Variants in HFM1 observed in about 807,000 individuals in gnomAD.
HFM1 encodes the protein probable ATP-dependent DNA helicase HFM1.
Under a neutral mutation model 192.1 loss-of-function variants are expected in HFM1, and 169 were observed. That is an observed-to-expected ratio of 0.88 (90% CI 0.78 to 1.00). The LOEUF (loss-of-function observed/expected upper bound fraction) is 1.00, where lower values mean the gene tolerates loss of function less well. HFM1 is among the 50% of genes least tolerant of loss of function. HFM1 has a pLI of 0.00. For synonymous variants in HFM1, 525 were observed against 537.8 expected (o/e 0.98, Z 0.33); for missense variants, 1,661 against 1,668.0 (o/e 1.00, Z 0.07).
chr1:91,391,799 C>A (rs565406669), intron 4 of HFM1, among the ~76,000 whole-genome samples: 43 of 152,316 alleles, frequency 2.8e-4, no homozygotes, highest in African/African-American at 9.4e-4. Flanking sequence ...AAACTACCAT[C>A]AGAGTGAACA....
At chr1:91,273,901 A>G in intron 33 of HFM1, 86 bp from the exon 34 acceptor site, 1 of 731,180 alleles carries the variant, frequency 1.4e-6, no homozygotes, top group Non-Finnish European at 2.2e-6. Context: ...ATAAACAAAA[A>G]TAATGATTTA....
At position 91,276,717 on chromosome 1, in the gene HFM1, C is replaced by G; in HGVS notation, c.3499G>C (p.Glu1167Gln). The change falls in exon 32 of 39, where the codon GAA (glutamate) becomes CAA (glutamine). Residue 1167 changes from glutamate (E) to glutamine (Q), a missense_variant. Coordinates refer to ENST00000370425, the MANE Select transcript of HFM1 (RefSeq NM_001017975.6). ...CCKIGVAQKS[E>Q]IKESTISSYL... ...GAAGAAATTGTTGACTCTTTAATTT[C>G]TGACTTCTGTGCAACTCCAATTTTA... The G allele has an allele frequency of 6.5e-7, 1 of 1,547,454 alleles. No individual in the cohort carries two copies. The highest frequency in any genetic ancestry group is 1.2e-5 in the South Asian group (1 of 80,392).
rs745451640 is a variant in HFM1 at position 91,353,306 on chromosome 1, A to T, written c.1686-7T>A. 2 of 1,493,970 alleles carry T rather than the reference A, an allele frequency of 1.3e-6. No homozygotes were observed. Among genetic ancestry groups the T allele is most frequent in the Non-Finnish European group, 9.2e-7 (1 of 1,083,298 alleles). 92.5% of individuals were successfully genotyped at this position (1,493,970 alleles called of 1,614,324 possible). On this transcript the variant is annotated splice_polypyrimidine_tract_variant and splice_region_variant and intron_variant, in intron 13 of 38. Coordinates refer to ENST00000370425, the MANE Select transcript of HFM1 (RefSeq NM_001017975.6). ...ATATGCATACTTCTGTAACCTATTT[A>T]AAAATACCATAAAATTATTGAGTTA... is the stretch of plus-strand genomic sequence containing the variant.
At position 91,380,891 on chromosome 1, in the gene HFM1, TA is replaced by T. The variant is rs1557496614; in HGVS notation, c.873+20del. ...ACCTAGTGAAAGGTAGAAAAATAAATAAGTAAAATAAAATACTTACATCATC... is the reference window on the plus strand; with the variant it reads ...ACCTAGTGAAAGGTAGAAAAATAAATAGTAAAATAAAATACTTACATCATC... On this transcript the variant is annotated intron_variant, in intron 7 of 38. Coordinates refer to ENST00000370425, the MANE Select transcript of HFM1 (RefSeq NM_001017975.6). 1.8e-6 allele frequency: 2 copies of T among 1,104,290 alleles called. No homozygotes were observed. Among genetic ancestry groups the T allele is most frequent in the South Asian group, 2.6e-5 (2 of 75,912 alleles). The allele number at this position is 1,104,290 out of a possible 1,614,324, so 68.4% of individuals were successfully genotyped here.
chr1:91,373,440 T>A (rs888227786), intron 13 of HFM1, among the ~76,000 whole-genome samples: 5 of 152,152 alleles, frequency 3.3e-5, no homozygotes, highest in African/African-American at 1.2e-4. Context: ...CATTACATAG[T>A]AATCATGTGC....
chr1:91,355,955 C>G (rs978526454), intron 13 of HFM1, among the ~76,000 whole-genome samples: 2 of 152,086 alleles, frequency 1.3e-5, no homozygotes, highest in African/African-American at 4.8e-5. Context: ...CAGGACAGAT[C>G]ATACATTAAG....
At chr1:91,317,570 A>C (rs1047449555) in intron 25 of HFM1, among the ~76,000 whole-genome samples, 18 of 152,190 alleles carry the variant, frequency 1.2e-4, no homozygotes, top group Admixed American at 1.0e-3. Flanking sequence ...AACAGTATAA[A>C]ATTCCAAAAT....
At chr1:91,395,754 G>A (rs1289231744) in intron 3 of HFM1, among the ~76,000 whole-genome samples, 2 of 152,004 alleles carry the variant, frequency 1.3e-5, no homozygotes, top group Non-Finnish European at 2.9e-5. Context: ...TATACAATGT[G>A]TAATGATCAA....
In HFM1 at chr1:91,261,196, A is replaced by T. The variant is rs1665124476; in HGVS notation, c.*94T>A. ...TCAAATACAGGAGAAAAAAATCCGA[A>T]CAATTATGAACTACTTTTTAAAAAT... is the stretch of plus-strand genomic sequence containing the variant. On this transcript the variant is annotated 3_prime_UTR_variant, in exon 39 of 39. Transcript: ENST00000370425. The T allele has an allele frequency of 3.9e-6, 2 of 514,162 alleles. No homozygotes were observed. The highest frequency in any genetic ancestry group is 6.4e-6 in the Non-Finnish European group (2 of 314,142). The allele number at this position is 514,162 out of a possible 1,614,324, so 31.8% of individuals were successfully genotyped here.
chr1:91,289,121 C>T (rs1297335039), intron 30 of HFM1, among the ~76,000 whole-genome samples: 4 of 151,300 alleles, frequency 2.6e-5, no homozygotes, highest in African/African-American at 4.9e-5. Context: ...GGCTGCCAGG[C>T]GGAGGGGCTC....
intron 3 of HFM1, 66 bp from the exon 4 acceptor site, chr1:91,394,468 G>T: frequency 1.0e-6 from 1 of 966,844 alleles, no homozygotes; most frequent in Non-Finnish European, 1.5e-6. Flanking sequence ...AAATGATGAT[G>T]AAAAACTTTA....
intron 30 of HFM1, among the ~76,000 whole-genome samples, chr1:91,311,168 T>C (rs1221235240): frequency 2.0e-5 from 3 of 152,132 alleles, no homozygotes; most frequent in African/African-American, 7.2e-5. Context: ...GGAGCAAAGG[T>C]GACTCTTGTT....
At chr1:91,347,573 A>T in intron 18 of HFM1, 97 bp from the exon 19 acceptor site, 1 of 616,796 alleles carries the variant, frequency 1.6e-6, no homozygotes, top group Non-Finnish European at 2.7e-6. Context: ...ATGAAATCTT[A>T]TATAAGAAAA....
At chr1:91,354,712 A>T (rs886828426) in intron 13 of HFM1, among the ~76,000 whole-genome samples, 33 of 152,278 alleles carry the variant, frequency 2.2e-4, no homozygotes, top group African/African-American at 7.9e-4. Context: ...AAAGAAGACA[A>T]TATTGCCAGT....
chr1:91,272,847 A>T (rs1024037359), intron 34 of HFM1, among the ~76,000 whole-genome samples: 3 of 152,060 alleles, frequency 2.0e-5, no homozygotes, highest in Admixed American at 6.6e-5. Flanking sequence ...GAGGAAAAAA[A>T]AGTTACAACA....
At chr1:91,407,211 G>T (rs923749961), upstream of HFM1, among the ~76,000 whole-genome samples, 14 of 152,024 alleles carry the variant, frequency 9.2e-5, 1 homozygote, top group African/African-American at 3.4e-4. Flanking sequence ...CCGTTGGGGG[G>T]TGAGGGGCTG....
At chr1:91,405,060 T>A (rs1364099822), upstream of HFM1, among the ~76,000 whole-genome samples, 1 of 152,178 alleles carries the variant, frequency 6.6e-6, no homozygotes, top group Non-Finnish European at 1.5e-5. Context: ...GCTAACCTGC[T>A]TCTCTACCCC....
Position 91,276,594 on chromosome 1 carries a change from A to G in HFM1, c.3588+34T>C, listed in dbSNP as rs758591685. ...AAAGAATATTTATATACGTTTAACT[A>G]CAGAACAATGGGAAAAATGTTATTA... On this transcript the variant is annotated intron_variant, in intron 32 of 38. Coordinates refer to ENST00000370425, the MANE Select transcript of HFM1 (RefSeq NM_001017975.6). The G allele has an allele frequency of 1.3e-5, 14 of 1,041,586 alleles. No homozygotes were observed. The East Asian group carries it at 3.5e-4, about 26-fold the overall frequency. 64.5% of individuals were successfully genotyped at this position (1,041,586 alleles called of 1,614,324 possible).
intron 23 of HFM1, among the ~76,000 whole-genome samples, chr1:91,322,431 T>C (rs146956492): frequency 4.6e-4 from 70 of 152,334 alleles, no homozygotes; most frequent in Middle Eastern, 3.4e-3. Flanking sequence ...TATCATTGCA[T>C]TTGTGACTGC....
Sources: gnomAD v4.1 joint callset for allele counts (sites outside exome capture counted in the v4.1 genomes callset) on GRCh38, gnomAD v4.1.1 for gene constraint, MANE v1.5 for transcripts, NCBI Gene and HGNC (gene_info 2026-07-23, HGNC 2026-07-21) for gene names.